The following CPQ variants were observed in gnomAD, a reference collection of about 807,000 sequenced individuals.
CPQ encodes carboxypeptidase Q, also known as Ser-Met dipeptidase.
A neutral mutation model predicts 45.7 loss-of-function variants in CPQ; 37 were observed. The ratio of observed to expected loss-of-function variants is 0.81; its 90% CI spans 0.62 to 1.07. The LOEUF is 1.07. Ranked by LOEUF, CPQ falls within the 50% of genes least tolerant of loss-of-function variation. CPQ has a pLI of 0.00. For synonymous variants in CPQ, 186 were observed against 205.8 expected (o/e 0.90, Z 0.82); for missense variants, 537 against 572.9 (o/e 0.94, Z 0.64).
At chr8:97,037,754 C>A (rs1810028253) in intron 6 of CPQ, among the ~76,000 whole-genome samples, 1 of 152,068 alleles carries the variant, frequency 6.6e-6, no homozygotes, top group East Asian at 1.9e-4. Context: ...GTGTAGAATT[C>A]CATTATGACT....
At chr8:97,032,738 A>G (rs1230148650) in intron 6 of CPQ, among the ~76,000 whole-genome samples, 1 of 152,240 alleles carries the variant, frequency 6.6e-6, no homozygotes, top group Non-Finnish European at 1.5e-5. Flanking sequence ...TTTGTCTAGC[A>G]ACACACAAAA....
chr8:97,021,219 A>G lies in CPQ; in HGVS notation c.962-8184A>G, dbSNP rs533345774. 2.0e-5 allele frequency among the ~76,000 whole-genome samples: 3 copies of G among 152,306 alleles called. No homozygotes were observed. In the South Asian group the frequency reaches 6.2e-4, roughly 32 times the overall value. The stretch of plus-strand genomic sequence containing the variant: ...AGCAAAATCGGCATATAAGGGACAT[A>G]CCTCAATGTAATGAAAGCCATCTAT... On this transcript the variant is annotated intron_variant, in intron 5 of 7. Transcript: ENST00000220763.
intron 7 of CPQ, among the ~76,000 whole-genome samples, chr8:97,078,192 C>T (rs1198485928): frequency 2.0e-5 from 3 of 152,082 alleles, no homozygotes; most frequent in Non-Finnish European, 4.4e-5. Context: ...TGACATGACC[C>T]TCATAGTTGT....
chr8:97,023,831 T>G (rs765511421), intron 5 of CPQ, among the ~76,000 whole-genome samples: 13 of 152,208 alleles, frequency 8.5e-5, no homozygotes, highest in Non-Finnish European at 1.9e-4. Context: ...CCATGAATCC[T>G]GACTTTACTC....
chr8:96,758,224 G>A (rs949779490), intron 1 of CPQ, among the ~76,000 whole-genome samples: 5 of 152,180 alleles, frequency 3.3e-5, no homozygotes, highest in African/African-American at 4.8e-5. Flanking sequence ...AGACTGGTTT[G>A]TGTAGGAGCC....
intron 5 of CPQ, among the ~76,000 whole-genome samples, chr8:97,017,832 C>T (rs907061920): frequency 3.3e-5 from 5 of 151,894 alleles, no homozygotes; most frequent in Non-Finnish European, 7.4e-5. Context: ...AGGGCATATA[C>T]TCTTGGCAGT....
intron 7 of CPQ, among the ~76,000 whole-genome samples, chr8:97,081,612 C>T (rs932732538): frequency 6.6e-6 from 1 of 152,160 alleles, no homozygotes; most frequent in Non-Finnish European, 1.5e-5. Flanking sequence ...CCTGGCCTTC[C>T]AACTTCCTGG....
intron 1 of CPQ, among the ~76,000 whole-genome samples, chr8:96,723,496 A>G (rs1259048510): frequency 6.6e-6 from 1 of 152,148 alleles, no homozygotes; most frequent in Admixed American, 6.5e-5. Context: ...CCCAATTTAT[A>G]AAACATACAA....
intron 4 of CPQ, among the ~76,000 whole-genome samples, chr8:96,889,928 C>T (rs1409120622): frequency 6.6e-6 from 1 of 152,168 alleles, no homozygotes; most frequent in African/African-American, 2.4e-5. Flanking sequence ...TTTGGCAACA[C>T]CCTCAAAGAC....
intron 1 of CPQ, among the ~76,000 whole-genome samples, chr8:96,657,887 G>A (rs1052280874): frequency 2.0e-5 from 3 of 152,096 alleles, no homozygotes; most frequent in African/African-American, 4.8e-5. Flanking sequence ...CATCTTCCAC[G>A]TTTATATACG....
chr8:97,115,002 TC>T (rs1168221486), intron 7 of CPQ, among the ~76,000 whole-genome samples: 5 of 152,318 alleles, frequency 3.3e-5, no homozygotes, highest in Admixed American at 3.3e-4. Flanking sequence ...CTGGACAGTT[TC>T]CATCCACAGT....
Position 97,024,796 on chromosome 8 carries a change from A to G in CPQ, c.962-4607A>G, listed in dbSNP as rs1044082677. On this transcript the variant is annotated intron_variant, in intron 5 of 7. Coordinates refer to ENST00000220763, the MANE Select transcript of CPQ (RefSeq NM_016134.4). ...TACTCTTATTAGTTAAGTTTATTGC[A>G]GGAATATAAATCTCTTTAAGTGTAG... 1.2e-4 allele frequency among the ~76,000 whole-genome samples: 19 copies of G among 152,194 alleles called. 1 individual carries two copies. Among genetic ancestry groups the G allele is most frequent in the African/African-American group, 4.6e-4 (19 of 41,454 alleles).
intron 1 of CPQ, among the ~76,000 whole-genome samples, chr8:96,650,371 C>T (rs1329489590): frequency 1.3e-5 from 2 of 152,222 alleles, no homozygotes; most frequent in Admixed American, 1.3e-4. Flanking sequence ...TGGTATTAGA[C>T]TTCCTTGGAA....
At chr8:96,711,533 G>A (rs1809608002) in intron 1 of CPQ, among the ~76,000 whole-genome samples, 1 of 152,224 alleles carries the variant, frequency 6.6e-6, no homozygotes, top group Middle Eastern at 3.4e-3. Context: ...GCCTCAGGAA[G>A]CTTACAGTCA....
intron 1 of CPQ, among the ~76,000 whole-genome samples, chr8:96,739,331 GTT>G (rs2130776852): frequency 7.4e-6 from 1 of 134,564 alleles, no homozygotes; most frequent in East Asian, 2.1e-4. Context: ...TTGTAAATTT[GTT>G]TGAGTTCATT....
At chr8:96,780,256 G>T (rs1211928864) in intron 1 of CPQ, among the ~76,000 whole-genome samples, 1 of 152,124 alleles carries the variant, frequency 6.6e-6, no homozygotes, top group Non-Finnish European at 1.5e-5. Flanking sequence ...AAATAACTCT[G>T]GGGTGTTGTT....
At position 97,123,076 on chromosome 8, in the gene CPQ, TAAAATAAATA is replaced by T. The variant is rs1811765235; in HGVS notation, c.1256-19940_1256-19931del. The stretch of plus-strand genomic sequence containing the variant: ...ATAAAATAAAATAAAAAAAATAAAA[TAAAATAAATA>T]AAATAAAATAAAATAAATAAAATAA... On this transcript the variant is annotated intron_variant, in intron 7 of 7. Transcript: ENST00000220763. Among the ~76,000 whole-genome samples the T allele has an allele frequency of 3.6e-4, 15 of 41,320 alleles. 1 individual carries two copies. Among genetic ancestry groups the T allele is most frequent in the African/African-American group, 1.5e-3 (14 of 9,628 alleles). The allele number at this position is 41,320 out of a possible 152,430, so 27.1% of individuals were successfully genotyped here. A position where few individuals can be genotyped will look rare whatever the true frequency, so the allele number is the denominator to read the frequency against.
intron 7 of CPQ, among the ~76,000 whole-genome samples, chr8:97,103,094 T>C (rs1811342602): frequency 6.6e-6 from 1 of 152,126 alleles, no homozygotes; most frequent in African/African-American, 2.4e-5. Flanking sequence ...TTTCCTCTTG[T>C]AGGGATCATT....
At chr8:97,117,620 C>T (rs554445394) in intron 7 of CPQ, among the ~76,000 whole-genome samples, 1 of 152,218 alleles carries the variant, frequency 6.6e-6, no homozygotes, top group African/African-American at 2.4e-5. Context: ...ACAGTCTCCA[C>T]CTCCCAGGCT....
Sources: gnomAD v4.1 joint callset for allele counts (sites outside exome capture counted in the v4.1 genomes callset) on GRCh38, gnomAD v4.1.1 for gene constraint, MANE v1.5 for transcripts, NCBI Gene and HGNC (gene_info 2026-07-23, HGNC 2026-07-21) for gene names.